Variants in CCNI observed in about 807,000 individuals in gnomAD.
CCNI encodes the protein cyclin I.
A neutral mutation model predicts 34.1 loss-of-function variants in CCNI; 14 were observed. The observed-to-expected ratio is 0.41, with a 90% CI of 0.27 to 0.64. The LOEUF is 0.64. Among genes scored for constraint, CCNI ranks in the 30% least tolerant of loss-of-function variants. The probability of loss-of-function intolerance (pLI) is 0.31; values close to 1 mark genes in which losing one functional copy is unlikely to be tolerated. For missense variants in CCNI, 385 were observed against 440.5 expected (o/e 0.87, Z 1.13); for synonymous variants, 154 against 158.4 (o/e 0.97, Z 0.21).
chr4:77,061,674 T>G (rs1728616490), intron 2 of CCNI, among the ~76,000 whole-genome samples: 1 of 152,018 alleles, frequency 6.6e-6, no homozygotes, highest in African/African-American at 2.4e-5. Context: ...TGTTGTTGTT[T>G]TTGTTTTTTG....
At chr4:77,067,790 TAAAAAAAAA>T (rs375815113) in intron 1 of CCNI, among the ~76,000 whole-genome samples, 11,108 of 98,570 alleles carry the variant, frequency 0.11, 753 homozygotes, top group South Asian at 0.21. Flanking sequence ...CTTCTAGGTT[TAAAAAAAAA>T]AAAAAAAAAA....
rs767243612 is a variant in CCNI at position 77,048,344 on chromosome 4, T to A, written c.1009A>T (p.Ile337Phe). ...TTATCTTCATTATAGAGCCGTTTGATTCCATCATAGAAGTCATCCACTTCC... is the reference window on the plus strand; with the variant it reads ...TTATCTTCATTATAGAGCCGTTTGAATCCATCATAGAAGTCATCCACTTCC... ...EMEVDDFYDG[I>F]KRLYNEDNVS... Residue 337 changes from isoleucine (I) to phenylalanine (F), a missense_variant, in exon 7 of 7, where the codon ATC becomes TTC. This residue lies in a region of CCNI where 250 missense variants were observed against 248.7 expected (regional missense o/e 1.01). Coordinates refer to ENST00000237654, the MANE Select transcript of CCNI (RefSeq NM_006835.3). 6 of 1,614,054 alleles carry A rather than the reference T, an allele frequency of 3.7e-6. No individual in the cohort carries two copies. In the African/African-American group the frequency reaches 8.0e-5, roughly 22 times the overall value.
At chr4:77,068,737 A>AT (rs1560783909) in intron 1 of CCNI, among the ~76,000 whole-genome samples, 1 of 152,164 alleles carries the variant, frequency 6.6e-6, no homozygotes, top group Non-Finnish European at 1.5e-5. Flanking sequence ...AAAAGTTCCA[A>AT]TTTTTTTAAA....
intron 2 of CCNI, 119 bp downstream of exon 2, chr4:77,066,130 A>G: frequency 1.2e-6 from 1 of 800,910 alleles, no homozygotes; most frequent in Non-Finnish European, 2.0e-6. Flanking sequence ...AGTCTCTCAA[A>G]TACAGCACAT....
Position 77,075,550 on chromosome 4 carries a change from G to A in CCNI, c.-122C>T. 1.6e-5 allele frequency: 16 copies of A among 988,648 alleles called. 1 individual carries two copies. The highest frequency in any genetic ancestry group is 1.9e-5 in the Non-Finnish European group (16 of 830,746). 61.2% of individuals were successfully genotyped at this position (988,648 alleles called of 1,614,324 possible). On this transcript the variant is annotated 5_prime_UTR_variant, in exon 1 of 7. Coordinates refer to ENST00000237654, the MANE Select transcript of CCNI (RefSeq NM_006835.3). Reference sequence around the variant, plus strand: ...AGTGGTGACGCGGGGTCATCCGGGGGCCCGTTACCACCTCATTCTCATAGG... The same window carrying A: ...AGTGGTGACGCGGGGTCATCCGGGGACCCGTTACCACCTCATTCTCATAGG...
rs1401072211 is a variant in CCNI at position 77,066,270 on chromosome 4, C to T, written c.93G>A (p.Val31=). 6 of 1,614,062 alleles carry T rather than the reference C, an allele frequency of 3.7e-6. No individual in the cohort carries two copies. Among genetic ancestry groups the T allele is most frequent in the Non-Finnish European group, 5.1e-6 (6 of 1,179,994 alleles). Reference sequence around the variant, plus strand: ...TTACCTGATTTGAAGGCATTTTCCGCACATTCACTTTCCACATCTGTGCTT... The same window carrying T: ...TTACCTGATTTGAAGGCATTTTCCGTACATTCACTTTCCACATCTGTGCTT... The part of the protein sequence containing the change: ...TREAQMWKVN[V]RKMPSNQNVS... The change falls in exon 2 of 7, where the codon GTG becomes GTA. Residue 31 remains valine, a synonymous_variant. Coordinates refer to ENST00000237654, the MANE Select transcript of CCNI (RefSeq NM_006835.3).
intron 1 of CCNI, among the ~76,000 whole-genome samples, chr4:77,067,178 G>A (rs1359738147): frequency 6.6e-6 from 1 of 152,012 alleles, no homozygotes; most frequent in Non-Finnish European, 1.5e-5. Flanking sequence ...GTTGCAGTGA[G>A]CTGAGATCAC....
intron 1 of CCNI, among the ~76,000 whole-genome samples, chr4:77,071,313 T>C (rs765107248): frequency 2.0e-5 from 3 of 152,090 alleles, no homozygotes; most frequent in African/African-American, 4.8e-5. Context: ...TTGAGATGAG[T>C]GAAAATGAAG....
chr4:77,070,376 G>A (rs4252804), intron 1 of CCNI, among the ~76,000 whole-genome samples: 9 of 149,590 alleles, frequency 6.0e-5, no homozygotes, highest in Admixed American at 1.3e-4. Context: ...TATAATTTAC[G>A]GTCAACAAAA....
At position 77,053,507 on chromosome 4, in the gene CCNI, C is replaced by T. The variant is rs1010651302; in HGVS notation, c.690+1643G>A. ...CACCAGAAAACTTACAAAAGAGTAT[C>T]AGATTTTCCAGTGTTTTTCACTAGG... On this transcript the variant is annotated intron_variant, in intron 6 of 6. Transcript: ENST00000237654. 9.6e-4 allele frequency among the ~76,000 whole-genome samples: 146 copies of T among 152,156 alleles called. 3 individuals are homozygous for T. Among genetic ancestry groups the T allele is most frequent in the Non-Finnish European group, 1.8e-4 (12 of 68,028 alleles).
chr4:77,048,166 C>T lies in CCNI; in HGVS notation c.*53G>A. ...AGCCTTTCCTGATTTTGCATGTTCT[C>T]ATTCCCAAAGTAGTCTACCTTAGTT... On this transcript the variant is annotated 3_prime_UTR_variant, in exon 7 of 7. Transcript: ENST00000237654. 1 of 1,414,756 alleles carries T rather than the reference C, an allele frequency of 7.1e-7. No individual in the cohort carries two copies. The highest frequency in any genetic ancestry group is 2.3e-5 in the East Asian group (1 of 43,580). The allele number at this position is 1,414,756 out of a possible 1,614,324, so 87.6% of individuals were successfully genotyped here.
intron 3 of CCNI, 44 bp from the exon 4 acceptor site, chr4:77,056,367 A>G (rs1203935064): frequency 7.0e-6 from 10 of 1,431,390 alleles, no homozygotes; most frequent in Non-Finnish European, 8.9e-6. Context: ...TGATTTTTCA[A>G]AAACAATTTA....
chr4:77,062,894 T>C (rs1381767808), intron 2 of CCNI, among the ~76,000 whole-genome samples: 1 of 152,192 alleles, frequency 6.6e-6, no homozygotes, highest in Non-Finnish European at 1.5e-5. Flanking sequence ...TCTCTGCAAG[T>C]GCCAAGAACA....
chr4:77,075,386 CGGCGCGGGGGG>C, intron 1 of CCNI, 75 bp downstream of exon 1: 3 of 436,666 alleles, frequency 6.9e-6, no homozygotes, highest in Non-Finnish European at 6.1e-6. Context: ...GCCACGGGGG[CGGCGCGGGGGG>C]AGCAGCGGGG....
rs1728192898 is a variant in CCNI, at chr4:77,055,968, A to T, written c.453T>A (p.Leu151=). Residue 151 remains leucine (L), a synonymous_variant, in exon 5 of 7, where the codon CTT becomes CTA. Transcript: ENST00000237654. ...DLHTATPLDF[L]HIFHAIAVST... is the part of the protein sequence containing the mutation. ...AGACTTCAGGTATATTTACAATATG[A>T]AGAAAATCCAATGGTGTGGCTGTGT... 6.2e-7 allele frequency: 1 copy of T among 1,609,536 alleles called. No homozygotes were observed. Among genetic ancestry groups the T allele is most frequent in the Non-Finnish European group, 8.5e-7 (1 of 1,178,010 alleles).
Position 77,048,642 on chromosome 4 carries a change from G to T in CCNI, c.711C>A (p.Ile237=). The T allele has an allele frequency of 6.5e-7, 1 of 1,540,762 alleles. No individual in the cohort carries two copies. The highest frequency in any genetic ancestry group is 8.8e-7 in the Non-Finnish European group (1 of 1,142,240). Residue 237 remains isoleucine, a synonymous_variant, in exon 7 of 7, where the codon ATC becomes ATA. Transcript: ENST00000237654. ...GATGTGCCACAAGCTCCCGACAATG[G>T]ATCAACTGGGAGCTATCCATCTGGG... is the stretch of plus-strand genomic sequence containing the variant. The part of the protein sequence containing the change: ...QKAQMDSSQL[I]HCRELVAHHL...
At chr4:77,063,334 G>T in intron 2 of CCNI, among the ~76,000 whole-genome samples, 1 of 128,736 alleles carries the variant, frequency 7.8e-6, no homozygotes, top group Non-Finnish European at 1.6e-5. Context: ...AGCAACAGTG[G>T]AAAGGGAGGT....
chr4:77,073,918 G>C (rs375971160), intron 1 of CCNI, among the ~76,000 whole-genome samples: 10 of 152,086 alleles, frequency 6.6e-5, no homozygotes, highest in African/African-American at 2.2e-4. Flanking sequence ...CTTACTATTT[G>C]ACTACCTATT....
chr4:77,058,598 C>T lies in CCNI; in HGVS notation c.152G>A (p.Trp51Ter). The stretch of plus-strand genomic sequence containing the variant: ...GAATTGGTACTTGAGTTTGGCCAGC[C>T]ATTGAATTACTTCATCTCTCTGGGA... ...SPSQRDEVIQ[W>*]LAKLKYQFNL... is the part of the protein sequence containing the mutation. The change falls in exon 3 of 7, where the codon TGG becomes TAG. Residue 51 changes from tryptophan (W) to a stop codon, truncating the protein, a stop_gained. Transcript: ENST00000237654. LOFTEE classifies it high-confidence loss of function. The T allele has an allele frequency of 6.2e-7, 1 of 1,613,322 alleles. No individual in the cohort carries two copies. The highest frequency in any genetic ancestry group is 8.5e-7 in the Non-Finnish European group (1 of 1,179,410).
Sources: allele counts gnomAD v4.1 joint callset (sites outside exome capture counted in the v4.1 genomes callset), GRCh38; gene constraint gnomAD v4.1.1; regional missense constraint gnomAD v4.1.1; transcripts MANE v1.5; gene names NCBI Gene and HGNC (gene_info 2026-07-23, HGNC 2026-07-21).